The following INTS15 variants were observed in gnomAD, a reference collection of about 807,000 sequenced individuals.
INTS15 encodes integrator complex subunit 15.
At chr7:6,598,788 T>TGTGTGTGTGTG in the INTS15 span, among the ~76,000 whole-genome samples, 55 of 39,156 alleles carry the variant, frequency 1.4e-3, no homozygotes, top group South Asian at 4.3e-3. Flanking sequence ...TGTGTGTGTA[T>TGTGTGTGTGTG]TTTTTTTTTT....
chr7:6,601,999 G>T, the INTS15 span: 5 of 1,016,672 alleles, frequency 4.9e-6, no homozygotes, highest in Non-Finnish European at 7.7e-6. Context: ...GTAGTATGAG[G>T]CGCTCTTGCT....
At chr7:6,598,786 T>TGTGTGTGTGTG in the INTS15 span, among the ~76,000 whole-genome samples, 23 of 66,150 alleles carry the variant, frequency 3.5e-4, 1 homozygote, top group African/African-American at 9.9e-4. Flanking sequence ...TGTGTGTGTG[T>TGTGTGTGTGTG]ATTTTTTTTT....
chr7:6,605,530 AATC>A, the INTS15 span, among the ~76,000 whole-genome samples: 2 of 152,102 alleles, frequency 1.3e-5, no homozygotes, highest in African/African-American at 2.4e-5. Flanking sequence ...CCCCAGAACT[AATC>A]AGCAGTCCCC....
At chr7:6,602,015 G>C in the INTS15 span, 5 of 1,237,138 alleles carry the variant, frequency 4.0e-6, no homozygotes, top group Admixed American at 1.8e-5. Context: ...TTGCTGTCTT[G>C]CTAGCATCCT....
the INTS15 span, among the ~76,000 whole-genome samples, chr7:6,598,485 A>AG: frequency 6.7e-6 from 1 of 148,902 alleles, no homozygotes; most frequent in Non-Finnish European, 1.5e-5. Flanking sequence ...AAAAAAAAAA[A>AG]GGCACACAGG....
chr7:6,593,289 A>G, the INTS15 span, among the ~76,000 whole-genome samples: 105 of 151,952 alleles, frequency 6.9e-4, 1 homozygote, highest in Middle Eastern at 3.4e-3. Context: ...AAATTTTGTT[A>G]ACAAAAACGG....
the INTS15 span, among the ~76,000 whole-genome samples, chr7:6,598,787 A>ATT: frequency 1.2e-3 from 86 of 70,676 alleles, 9 homozygotes; most frequent in Non-Finnish European, 1.5e-3. Context: ...GTGTGTGTGT[A>ATT]TTTTTTTTTT....
chr7:6,599,968 C>G, the INTS15 span: 5 of 1,614,014 alleles, frequency 3.1e-6, no homozygotes, highest in Admixed American at 1.7e-5. Flanking sequence ...TCACCCCGCT[C>G]GTTGGATTGA....
chr7:6,608,006 G>T, the INTS15 span: 2 of 1,600,216 alleles, frequency 1.2e-6, no homozygotes, highest in Non-Finnish European at 8.5e-7. Flanking sequence ...GTCGCCTCAC[G>T]CCGCGCTCCC....
chr7:6,600,036 C>G, the INTS15 span: 5 of 1,614,188 alleles, frequency 3.1e-6, no homozygotes, highest in African/African-American at 1.3e-5. Context: ...CCCCCCTTAT[C>G]CAATGGCCAT....
the INTS15 span, among the ~76,000 whole-genome samples, chr7:6,596,203 G>C: frequency 3.4e-4 from 52 of 151,468 alleles, no homozygotes; most frequent in African/African-American, 1.3e-3. Context: ...CTACAGGCGC[G>C]CACCACCATG....
chr7:6,591,335 C>T, the INTS15 span, among the ~76,000 whole-genome samples: 1 of 149,282 alleles, frequency 6.7e-6, no homozygotes, highest in East Asian at 2.0e-4. Context: ...GGTGCGATCT[C>T]GGCTCACTGC....
the INTS15 span, chr7:6,591,844 G>C: frequency 6.2e-7 from 1 of 1,614,068 alleles, no homozygotes. Flanking sequence ...CCCGGTGTTG[G>C]AGTGTGCTGC....
At chr7:6,597,311 T>C in the INTS15 span, among the ~76,000 whole-genome samples, 1 of 151,942 alleles carries the variant, frequency 6.6e-6, no homozygotes, top group Admixed American at 6.6e-5. Flanking sequence ...TTTTTTTTTT[T>C]TGAGATGGAG....
chr7:6,598,523 C>G, the INTS15 span, among the ~76,000 whole-genome samples: 67 of 151,048 alleles, frequency 4.4e-4, 1 homozygote, highest in East Asian at 0.013. Flanking sequence ...CTGTAGCCAT[C>G]GTCTCACTGC....
At chr7:6,591,714 G>A in the INTS15 span, 2 of 1,614,148 alleles carry the variant, frequency 1.2e-6, no homozygotes, top group South Asian at 1.1e-5. Flanking sequence ...AGCAAACCAA[G>A]GACTCTGTTC....
chr7:6,605,344 T>G, the INTS15 span, among the ~76,000 whole-genome samples: 26 of 152,162 alleles, frequency 1.7e-4, no homozygotes, highest in Admixed American at 1.7e-3. Context: ...CGAAGAACAT[T>G]GTTGGTATCA....
At chr7:6,608,129 G>T in the INTS15 span, 39 of 1,290,874 alleles carry the variant, frequency 3.0e-5, no homozygotes, top group Admixed American at 4.8e-4. Flanking sequence ...CTTCATCTCC[G>T]GCGTGACCTT....
At chr7:6,593,203 T>C in the INTS15 span, among the ~76,000 whole-genome samples, 1 of 152,178 alleles carries the variant, frequency 6.6e-6, no homozygotes, top group African/African-American at 2.4e-5. Context: ...CTTTCACAGC[T>C]ACTCACCTCT....
Sources: allele counts gnomAD v4.1 joint callset (sites outside exome capture counted in the v4.1 genomes callset), GRCh38; gene constraint gnomAD v4.1.1; transcripts MANE v1.5; gene names NCBI Gene and HGNC (gene_info 2026-07-23, HGNC 2026-07-21).